Variants in CNNM2 observed in about 807,000 individuals in gnomAD.
CNNM2 encodes the protein metal transporter CNNM2.
In CNNM2, 12 loss-of-function variants were observed where a neutral mutation model predicts 66.9. The observed-to-expected ratio is 0.18, with a 90% confidence interval of 0.11 to 0.29. CNNM2 has a LOEUF of 0.29. Ranked by LOEUF, CNNM2 falls within the 10% of genes least tolerant of loss-of-function variation. CNNM2 has a pLI of 1.00. For missense variants in CNNM2, 705 were observed against 1,167.7 expected, an observed-to-expected ratio of 0.60 and a Z score of 5.77; for synonymous variants, 557 against 501.8, an observed-to-expected ratio of 1.11 and a Z score of -1.47.
chr10:102,935,407 G>A (rs749481634), intron 1 of CNNM2, among the ~76,000 whole-genome samples: 2 of 151,996 alleles, frequency 1.3e-5, no homozygotes, highest in Non-Finnish European at 1.5e-5. Context: ...GCTACAGTGA[G>A]CTGTGATCAC....
intron 1 of CNNM2, among the ~76,000 whole-genome samples, chr10:102,954,594 A>G (rs1006121558): frequency 6.6e-6 from 1 of 152,162 alleles, no homozygotes; most frequent in African/African-American, 2.4e-5. Flanking sequence ...ATTTGTGGAC[A>G]ATGCAAAGAT....
chr10:102,992,903 A>G (rs1253485713), intron 1 of CNNM2, among the ~76,000 whole-genome samples: 1 of 152,162 alleles, frequency 6.6e-6, no homozygotes, highest in Non-Finnish European at 1.5e-5. Flanking sequence ...TCTGTGATCT[A>G]GGAGGGATTT....
chr10:103,023,415 G>GT (rs970830581), intron 1 of CNNM2, among the ~76,000 whole-genome samples: 14 of 152,122 alleles, frequency 9.2e-5, no homozygotes, highest in African/African-American at 3.4e-4. Context: ...TGGCATGGTG[G>GT]TGAGTACCTG....
chr10:103,021,892 T>G (rs575074381), intron 1 of CNNM2, among the ~76,000 whole-genome samples: 6 of 152,338 alleles, frequency 3.9e-5, no homozygotes, highest in Admixed American at 2.0e-4. Flanking sequence ...TATGTGTGTA[T>G]GTATATGTAG....
intron 1 of CNNM2, among the ~76,000 whole-genome samples, chr10:103,003,985 ATTTTTTTTTTTT>A (rs869152743): frequency 6.0e-5 from 5 of 83,998 alleles, no homozygotes; most frequent in African/African-American, 9.6e-5. Context: ...CATTGCATGA[ATTTTTTTTTTTT>A]TTTTTTTTTT....
Position 102,918,591 on chromosome 10 carries a change from C to G in CNNM2, c.111C>G (p.Gly37=), listed in dbSNP as rs747012247. Residue 37 remains glycine (G), a synonymous_variant, in exon 1 of 8, where the codon GGC becomes GGG. Transcript: ENST00000369878. The surrounding 1 kb of genome is among the most constrained non-coding windows in gnomAD (Gnocchi z 4.1). ...CGCGCCGCAGCCTCAGCGCTCGCGGCCGGGGGATCCTGCAGGCGGCTGCGG... is the reference window on the plus strand; with the variant it reads ...CGCGCCGCAGCCTCAGCGCTCGCGGGCGGGGGATCCTGCAGGCGGCTGCGG... ...MAARRSLSAR[G]RGILQAAAGR... The G allele has an allele frequency of 3.8e-6, 6 of 1,567,320 alleles. No individual in the cohort carries two copies. In the East Asian group the frequency reaches 1.4e-4, roughly 38 times the overall value.
At chr10:103,053,852 TTG>T (rs954635867) in intron 2 of CNNM2, among the ~76,000 whole-genome samples, 1 of 152,120 alleles carries the variant, frequency 6.6e-6, no homozygotes, top group Non-Finnish European at 1.5e-5. Context: ...GGGGTTTTGT[TTG>T]TGTGTTGTCT....
At chr10:102,971,498 A>T (rs996678352) in intron 1 of CNNM2, among the ~76,000 whole-genome samples, 1 of 152,180 alleles carries the variant, frequency 6.6e-6, no homozygotes, top group Non-Finnish European at 1.5e-5. Context: ...TGTCGCCATT[A>T]TTAGGAATTT....
At chr10:102,965,056 C>G (rs1210077596) in intron 1 of CNNM2, among the ~76,000 whole-genome samples, 1 of 152,202 alleles carries the variant, frequency 6.6e-6, no homozygotes, top group Non-Finnish European at 1.5e-5. Context: ...GTGCCCCTCA[C>G]CAGACACTCA....
intron 1 of CNNM2, among the ~76,000 whole-genome samples, chr10:103,026,151 A>C (rs1012227316): frequency 6.6e-6 from 1 of 152,236 alleles, no homozygotes; most frequent in Non-Finnish European, 1.5e-5. Context: ...CCAAACTGTA[A>C]GAAATCTGTT....
intron 1 of CNNM2, among the ~76,000 whole-genome samples, chr10:102,932,946 T>G (rs1277853600): frequency 6.7e-6 from 1 of 149,246 alleles, no homozygotes; most frequent in African/African-American, 2.5e-5. Flanking sequence ...AAATTGGCCA[T>G]ACATTTGAGA....
chr10:103,019,361 A>G (rs548266502), intron 1 of CNNM2, among the ~76,000 whole-genome samples: 1 of 152,252 alleles, frequency 6.6e-6, no homozygotes, highest in Non-Finnish European at 1.5e-5. Flanking sequence ...GGAGATCACA[A>G]GAGGGGTTCT....
At chr10:102,992,717 C>G (rs2063920262) in intron 1 of CNNM2, among the ~76,000 whole-genome samples, 1 of 152,164 alleles carries the variant, frequency 6.6e-6, no homozygotes, top group Admixed American at 6.5e-5. Flanking sequence ...GATTCTCAAG[C>G]CTGCCTCGGT....
chr10:103,048,146 A>G (rs1459277506), intron 1 of CNNM2, among the ~76,000 whole-genome samples: 1 of 150,614 alleles, frequency 6.6e-6, no homozygotes, highest in African/African-American at 2.4e-5. Flanking sequence ...GTTGGTCTTG[A>G]ACTCCTGACT....
chr10:102,951,237 C>A (rs913213594), intron 1 of CNNM2, among the ~76,000 whole-genome samples: 4 of 151,806 alleles, frequency 2.6e-5, no homozygotes, highest in African/African-American at 9.7e-5. Context: ...CACTCTGTCA[C>A]CCAGGCTGGA....
At chr10:102,997,439 CCTGTTTT>C (rs1289249358) in intron 1 of CNNM2, among the ~76,000 whole-genome samples, 9 of 152,058 alleles carry the variant, frequency 5.9e-5, no homozygotes, top group African/African-American at 2.2e-4. Context: ...ATAGTTTTCT[CCTGTTTT>C]CTGTTTTCTC....
At chr10:102,982,201 T>G (rs1234539257) in intron 1 of CNNM2, among the ~76,000 whole-genome samples, 1 of 152,170 alleles carries the variant, frequency 6.6e-6, no homozygotes, top group African/African-American at 2.4e-5. Context: ...TTAGGTAAGA[T>G]TCTCCTTTAA....
At position 102,919,654 on chromosome 10, in the gene CNNM2, C is replaced by A; in HGVS notation, c.1174C>A (p.Pro392Thr). 6.2e-7 allele frequency: 1 copy of A among 1,614,206 alleles called. No homozygotes were observed. The highest frequency in any genetic ancestry group is 8.5e-7 in the Non-Finnish European group (1 of 1,180,046). The change falls in exon 1 of 8, where the codon CCG becomes ACG. Residue 392 changes from proline (P) to threonine (T), a missense_variant. Physicochemically the swap from Pro to Thr is conservative, Grantham distance 38. Coordinates refer to ENST00000369878, the MANE Select transcript of CNNM2 (RefSeq NM_017649.5). ...FMMMTFPASYPVSKLLDCVLG... is the reference protein window; with the variant it reads ...FMMMTFPASYTVSKLLDCVLG... Reference sequence around the variant, plus strand: ...GATGATGACCTTCCCCGCTTCCTACCCGGTCAGCAAGCTGCTGGACTGCGT... The same window carrying A: ...GATGATGACCTTCCCCGCTTCCTACACGGTCAGCAAGCTGCTGGACTGCGT...
At chr10:102,979,378 T>C (rs2063685372) in intron 1 of CNNM2, among the ~76,000 whole-genome samples, 2 of 152,218 alleles carry the variant, frequency 1.3e-5, no homozygotes, top group South Asian at 4.1e-4. Flanking sequence ...AGCACACGTA[T>C]CTTCAGGCCT....
Sources: allele counts gnomAD v4.1 joint callset (sites outside exome capture counted in the v4.1 genomes callset), GRCh38; gene constraint gnomAD v4.1.1; non-coding constraint Gnocchi (gnomAD v3.1); transcripts MANE v1.5; gene names NCBI Gene and HGNC (gene_info 2026-07-23, HGNC 2026-07-21).